PALLD: variants seen among roughly 807,000 people sequenced by gnomAD.
The protein encoded by PALLD is palladin.
A neutral mutation model predicts 123.5 loss-of-function variants in PALLD; 61 were observed. That is an observed-to-expected ratio of 0.49 (90% CI 0.40 to 0.61). The LOEUF (loss-of-function observed/expected upper bound fraction) is 0.61. Ranked by LOEUF, PALLD falls within the 20% of genes least tolerant of loss-of-function variation. The pLI, the probability that PALLD is intolerant of heterozygous loss-of-function variation, is 0.00. For missense variants in PALLD, 1,273 were observed against 1,377.0 expected (o/e 0.92, Z 1.20); for synonymous variants, 465 against 496.4 (o/e 0.94, Z 0.84).
intron 2 of PALLD, among the ~76,000 whole-genome samples, chr4:168,570,404 G>A (rs529935331): frequency 5.3e-5 from 8 of 152,100 alleles, no homozygotes; most frequent in Non-Finnish European, 8.8e-5. Flanking sequence ...TGGCCACATG[G>A]TATTTTTAAG....
At chr4:168,600,459 C>T (rs1772528988) in intron 2 of PALLD, among the ~76,000 whole-genome samples, 1 of 152,064 alleles carries the variant, frequency 6.6e-6, no homozygotes. Context: ...AATTACTTTC[C>T]CTCTTTAAAC....
chr4:168,815,023 G>A (rs926113929), intron 10 of PALLD, among the ~76,000 whole-genome samples: 20 of 152,098 alleles, frequency 1.3e-4, no homozygotes, highest in African/African-American at 4.1e-4. Context: ...CACCTGCCTC[G>A]GCCTCCCAAA....
chr4:168,801,744 A>T (rs114251518), intron 10 of PALLD, among the ~76,000 whole-genome samples: 6 of 152,328 alleles, frequency 3.9e-5, no homozygotes, highest in South Asian at 4.1e-4. Context: ...TCCTTTTGTG[A>T]TTAACACCCC....
chr4:168,875,353 AG>A (rs1751607924), intron 10 of PALLD, among the ~76,000 whole-genome samples: 1 of 152,216 alleles, frequency 6.6e-6, no homozygotes. Flanking sequence ...TTCTAAAAAT[AG>A]CTTAATGAGG....
At chr4:168,691,605 A>T (rs1321288588) in intron 8 of PALLD, among the ~76,000 whole-genome samples, 1 of 152,172 alleles carries the variant, frequency 6.6e-6, no homozygotes, top group Non-Finnish European at 1.5e-5. Context: ...ATGATGAAAA[A>T]ACATCCTCCT....
intron 2 of PALLD, among the ~76,000 whole-genome samples, chr4:168,564,109 C>A (rs993003770): frequency 6.6e-5 from 10 of 152,304 alleles, no homozygotes; most frequent in African/African-American, 2.4e-4. Context: ...TATTCTGAGC[C>A]TAGCTGTCCT....
rs535155432 is a variant in PALLD, at chr4:168,878,257, G to A, written c.1965-12665G>A. The A allele has an allele frequency of 1.3e-6, 2 of 1,524,610 alleles. No homozygotes were observed. 94.4% of individuals were successfully genotyped at this position (1,524,610 alleles called of 1,614,324 possible). A position where few individuals can be genotyped will look rare whatever the true frequency, so the allele number is the denominator to read the frequency against. On this transcript the variant is annotated intron_variant, in intron 10 of 21. Coordinates refer to ENST00000505667, the MANE Select transcript of PALLD (RefSeq NM_001166108.2). ...CACCGCCGCTCCCGAGCCCGGGACA[G>A]GCGTCCCACTGCTCGTCGCCTGCCA...
At chr4:168,540,825 T>C (rs569497831) in intron 2 of PALLD, among the ~76,000 whole-genome samples, 1 of 151,930 alleles carries the variant, frequency 6.6e-6, no homozygotes, top group East Asian at 1.9e-4. Context: ...AAAAAAGCAC[T>C]TGCTCCTGAG....
intron 2 of PALLD, among the ~76,000 whole-genome samples, chr4:168,616,291 G>A (rs1209004139): frequency 6.6e-6 from 1 of 152,064 alleles, no homozygotes; most frequent in Non-Finnish European, 1.5e-5. Context: ...GGGTCTTAAG[G>A]ATAAGTAGAT....
At chr4:168,840,460 C>T (rs972355626) in intron 10 of PALLD, among the ~76,000 whole-genome samples, 6 of 152,126 alleles carry the variant, frequency 3.9e-5, no homozygotes, top group Admixed American at 6.5e-5. Flanking sequence ...CAAGAGTTGT[C>T]AGTTTGCAAA....
At chr4:168,716,600 C>T (rs539387362) in intron 10 of PALLD, among the ~76,000 whole-genome samples, 2 of 152,200 alleles carry the variant, frequency 1.3e-5, no homozygotes, top group African/African-American at 4.8e-5. Context: ...CCTTTGATAC[C>T]CTATTGTTCT....
intron 10 of PALLD, among the ~76,000 whole-genome samples, chr4:168,862,858 T>G (rs772624412): frequency 7.9e-5 from 12 of 152,172 alleles, no homozygotes; most frequent in African/African-American, 2.9e-4. Flanking sequence ...CCCATATCCC[T>G]TACATAAGGA....
chr4:168,579,880 TTG>T (rs1770057282), intron 2 of PALLD, among the ~76,000 whole-genome samples: 1 of 152,112 alleles, frequency 6.6e-6, no homozygotes, highest in South Asian at 2.1e-4. Flanking sequence ...TAGTTACAGC[TTG>T]TGTGTGTGGT....
At chr4:168,606,223 ATTG>A (rs1165560778) in intron 2 of PALLD, among the ~76,000 whole-genome samples, 5 of 152,070 alleles carry the variant, frequency 3.3e-5, no homozygotes, top group South Asian at 2.1e-4. Context: ...TGGACACTTT[ATTG>A]TTGTTGTTGT....
At chr4:168,683,808 G>T (rs985366404) in intron 5 of PALLD, among the ~76,000 whole-genome samples, 1 of 152,136 alleles carries the variant, frequency 6.6e-6, no homozygotes, top group Non-Finnish European at 1.5e-5. Flanking sequence ...TAAGTAATGA[G>T]TATGTCTTAT....
At chr4:168,810,257 G>A (rs1022769609) in intron 10 of PALLD, among the ~76,000 whole-genome samples, 2 of 152,248 alleles carry the variant, frequency 1.3e-5, no homozygotes, top group Non-Finnish European at 1.5e-5. Context: ...TGAATGGAAA[G>A]AGAAAGAATG....
At chr4:168,653,370 A>G (rs1016842336) in intron 2 of PALLD, among the ~76,000 whole-genome samples, 2 of 152,270 alleles carry the variant, frequency 1.3e-5, no homozygotes, top group African/African-American at 2.4e-5. Context: ...TAGTATTTAC[A>G]TATAGGATGG....
At chr4:168,820,733 A>G (rs1380082714) in intron 10 of PALLD, among the ~76,000 whole-genome samples, 2 of 152,120 alleles carry the variant, frequency 1.3e-5, no homozygotes, top group East Asian at 3.9e-4. Context: ...GGTATGAGGA[A>G]GAACTTCTAC....
intron 1 of PALLD, among the ~76,000 whole-genome samples, chr4:168,498,145 A>G (rs1760949202): frequency 6.6e-6 from 1 of 152,188 alleles, no homozygotes; most frequent in African/African-American, 2.4e-5. Context: ...TCAGATTTTT[A>G]AAATCAAAGT....
Sources: allele counts gnomAD v4.1 joint callset (sites outside exome capture counted in the v4.1 genomes callset), GRCh38; gene constraint gnomAD v4.1.1; transcripts MANE v1.5; gene names NCBI Gene and HGNC (gene_info 2026-07-23, HGNC 2026-07-21).